DDX21: variants seen among roughly 807,000 people sequenced by gnomAD.
DDX21 encodes the protein DExD-box helicase 21.
DDX21 carries 18 observed loss-of-function variants against 90.0 expected under a neutral mutation model. The observed-to-expected ratio is 0.20, with a 90% confidence interval of 0.14 to 0.30. The LOEUF is 0.30. Ranked by LOEUF, DDX21 falls within the 10% of genes least tolerant of loss-of-function variation. The probability of loss-of-function intolerance (pLI) is 1.00; values close to 1 mark genes in which losing one functional copy is unlikely to be tolerated. For synonymous variants in DDX21, 294 were observed against 318.0 expected (o/e 0.92, Z 0.80); for missense variants, 673 against 944.5 (o/e 0.71, Z 3.77).
chr10:68,956,619 G>C, intron 1 of DDX21: 2 of 1,211,080 alleles, frequency 1.7e-6, no homozygotes, highest in Non-Finnish European at 2.1e-6. Flanking sequence ...GGTGTCCCAC[G>C]TGGTCCCCGG....
rs776819535 is a variant in DDX21, at chr10:68,959,798, T to C, written c.88-8T>C. ...AGTGTTTGTATTTTCCTTATGAATT[T>C]TTTTTAGAAAGAGAAAAAAGAGAAG... is the stretch of plus-strand genomic sequence containing the variant. On this transcript the variant is annotated splice_region_variant and splice_polypyrimidine_tract_variant and intron_variant, in intron 1 of 14. Transcript: ENST00000354185. The C allele has an allele frequency of 6.6e-7, 1 of 1,523,930 alleles. No homozygotes were observed. The highest frequency in any genetic ancestry group is 2.3e-5 in the East Asian group (1 of 42,668). The allele number at this position is 1,523,930 out of a possible 1,614,324, so 94.4% of individuals were successfully genotyped here. A position where few individuals can be genotyped will look rare whatever the true frequency, so the allele number is the denominator to read the frequency against.
At chr10:68,958,692 C>A (rs1225244148) in intron 1 of DDX21, among the ~76,000 whole-genome samples, 1 of 152,134 alleles carries the variant, frequency 6.6e-6, no homozygotes, top group African/African-American at 2.4e-5. Flanking sequence ...CCTCCTTGGC[C>A]TCCCAAAGTC....
intron 8 of DDX21, 30 bp from the exon 9 acceptor site, chr10:68,971,861 G>A: frequency 1.9e-6 from 3 of 1,604,724 alleles, no homozygotes; most frequent in Non-Finnish European, 2.6e-6. Flanking sequence ...GTTGGAACTG[G>A]TGTTCTTACA....
intron 4 of DDX21, chr10:68,964,101 G>GAAAAAAAA (rs750726882): frequency 8.3e-4 from 196 of 237,426 alleles, no homozygotes; most frequent in South Asian, 1.2e-3. Context: ...TCCGTCTCAA[G>GAAAAAAAA]AAAAAAAAAA....
At chr10:68,967,900 TG>T (rs1233854513) in intron 6 of DDX21, among the ~76,000 whole-genome samples, 2 of 152,068 alleles carry the variant, frequency 1.3e-5, no homozygotes, top group Admixed American at 1.3e-4. Flanking sequence ...AATTGTTTTT[TG>T]TTTTTTTTTT....
Position 68,973,684 on chromosome 10 carries a change from T to C in DDX21, c.1668+20T>C. 1 of 1,605,750 alleles carries C rather than the reference T, an allele frequency of 6.2e-7. No homozygotes were observed. The highest frequency in any genetic ancestry group is 8.5e-7 in the Non-Finnish European group (1 of 1,175,820). On this transcript the variant is annotated intron_variant, in intron 10 of 14. Coordinates refer to ENST00000354185, the MANE Select transcript of DDX21 (RefSeq NM_004728.4). Reference sequence around the variant, plus strand: ...AAAGCGGTAAAACTATTCTTACCTTTCATTAAGCAAATGTTGAGTTCTAAA... The same window carrying C: ...AAAGCGGTAAAACTATTCTTACCTTCCATTAAGCAAATGTTGAGTTCTAAA...
Position 68,983,652 on chromosome 10 carries a change from G to A in DDX21, c.*840G>A, listed in dbSNP as rs944125050. On this transcript the variant is annotated 3_prime_UTR_variant, in exon 15 of 15. Coordinates refer to ENST00000354185, the MANE Select transcript of DDX21 (RefSeq NM_004728.4). The stretch of plus-strand genomic sequence containing the variant: ...AAGATTAACATTATTTACCAAGAAG[G>A]ACTTAAGGGAGTAGGGGGCGCAGAT... The A allele has an allele frequency of 1.4e-5, 2 of 144,176 alleles. No homozygotes were observed. The highest frequency in any genetic ancestry group is 5.1e-5 in the African/African-American group (2 of 39,094). 8.9% of individuals were successfully genotyped at this position (144,176 alleles called of 1,614,324 possible). A position where few individuals can be genotyped will look rare whatever the true frequency, so the allele number is the denominator to read the frequency against.
At chr10:68,981,061 C>T (rs1843182694) in intron 13 of DDX21, among the ~76,000 whole-genome samples, 1 of 152,034 alleles carries the variant, frequency 6.6e-6, no homozygotes, top group South Asian at 2.1e-4. Context: ...ACTTGTTTTT[C>T]TGCTTTTAAT....
At chr10:68,972,496 G>A (rs544699687) in intron 9 of DDX21, among the ~76,000 whole-genome samples, 110 of 152,284 alleles carry the variant, frequency 7.2e-4, no homozygotes, top group Middle Eastern at 6.8e-3. Context: ...AGTTCTTCAC[G>A]TAAATAAAGG....
At chr10:68,965,794 AG>A (rs1842931504) in intron 5 of DDX21, among the ~76,000 whole-genome samples, 1 of 150,358 alleles carries the variant, frequency 6.7e-6, no homozygotes, top group African/African-American at 2.5e-5. Context: ...TCAGAATTCA[AG>A]GTTCCTCTTG....
rs1460075066 is a variant in DDX21, at chr10:68,959,733, C to T, written c.88-73C>T. 3 of 1,111,776 alleles carry T rather than the reference C, an allele frequency of 2.7e-6. No individual in the cohort carries two copies. The Admixed American group carries it at 9.4e-5, about 35-fold the overall frequency. 68.9% of individuals were successfully genotyped at this position (1,111,776 alleles called of 1,614,324 possible). A position where few individuals can be genotyped will look rare whatever the true frequency, so the allele number is the denominator to read the frequency against. On this transcript the variant is annotated intron_variant, in intron 1 of 14. Coordinates refer to ENST00000354185, the MANE Select transcript of DDX21 (RefSeq NM_004728.4). ...AGTTGAAAATGATCTTGAAATAATC[C>T]AGAATTGATGAATGTTGCAAATGTA...
At chr10:68,958,447 T>A (rs28630784) in intron 1 of DDX21, among the ~76,000 whole-genome samples, 49 of 46,572 alleles carry the variant, frequency 1.1e-3, no homozygotes, top group African/African-American at 2.5e-3. Flanking sequence ...AAAAAAAAAT[T>A]TTTTTTTTTG....
Position 68,977,526 on chromosome 10 carries a change from C to T in DDX21, c.1743-3C>T. The T allele has an allele frequency of 6.2e-7, 1 of 1,603,752 alleles. No individual in the cohort carries two copies. Among genetic ancestry groups the T allele is most frequent in the Non-Finnish European group, 8.5e-7 (1 of 1,173,182 alleles). ...TTTCTCCTAACACACTCTCAAACAA[C>T]AGGCTTTTGGATTCCGTGCCTCCCA... On this transcript the variant is annotated splice_region_variant and splice_polypyrimidine_tract_variant and intron_variant, in intron 11 of 14. Coordinates refer to ENST00000354185, the MANE Select transcript of DDX21 (RefSeq NM_004728.4).
rs771500289 is a variant in DDX21, at chr10:68,963,302, A to G, written c.619A>G (p.Thr207Ala). 5.0e-6 allele frequency: 8 copies of G among 1,610,982 alleles called. No homozygotes were observed. In the South Asian group the frequency reaches 8.8e-5, roughly 18 times the overall value. The change falls in exon 4 of 15, where the codon ACC becomes GCC. Residue 207 changes from threonine (T) to alanine (A), a missense_variant. By Grantham distance (58) the Thr-to-Ala change is moderately conservative. Transcript: ENST00000354185. ...TIKLLKGRGV[T>A]FLFPIQAKTF... ...TAATTTGTTCATAGGCCGAGGAGTG[A>G]CCTTCCTATTTCCTATACAAGCAAA...
chr10:68,977,426 C>G, intron 11 of DDX21, 103 bp from the exon 12 acceptor site: 1 of 1,059,122 alleles, frequency 9.4e-7, no homozygotes, highest in Non-Finnish European at 1.3e-6. Context: ...ATATGTTACA[C>G]ATGTGAAAGA....
Position 68,959,900 on chromosome 10 carries a change from A to T in DDX21, c.182A>T (p.Lys61Ile). 6.2e-7 allele frequency: 1 copy of T among 1,606,600 alleles called. No individual in the cohort carries two copies. ...CCCAAAGCTAAACAAGTTAAAAAGA[A>T]AGCAGAGCCTTCTGAAGTTGACATG... ...VFPKAKQVKKKAEPSEVDMNS... is the reference protein window; with the variant it reads ...VFPKAKQVKKIAEPSEVDMNS... Residue 61 changes from lysine (K) to isoleucine (I), a missense_variant, in exon 2 of 15, where the codon AAA becomes ATA. By Grantham distance (102) the Lys-to-Ile change is moderately radical (BLOSUM62 -3). Coordinates refer to ENST00000354185, the MANE Select transcript of DDX21 (RefSeq NM_004728.4).
rs978341883 is a variant in DDX21 at position 68,980,251 on chromosome 10, T to A, written c.2037+1275T>A. Reference sequence around the variant, plus strand: ...GTGAAACTCCGTCTTAAAAAAAAAATTTTATATATATATAAATCTTTTCCT... The same window carrying A: ...GTGAAACTCCGTCTTAAAAAAAAAAATTTATATATATATAAATCTTTTCCT... On this transcript the variant is annotated intron_variant, in intron 13 of 14. Transcript: ENST00000354185. 1.2e-4 allele frequency among the ~76,000 whole-genome samples: 18 copies of A among 150,952 alleles called. No homozygotes were observed. The East Asian group carries it at 2.5e-3, about 21-fold the overall frequency.
chr10:68,974,572 C>T, intron 10 of DDX21, 98 bp from the exon 11 acceptor site: 1 of 878,410 alleles, frequency 1.1e-6, no homozygotes, highest in South Asian at 1.5e-5. Context: ...TAATGTAATA[C>T]ATACATTTGG....
intron 13 of DDX21, among the ~76,000 whole-genome samples, chr10:68,981,256 C>T (rs1376888654): frequency 6.6e-6 from 1 of 152,160 alleles, no homozygotes; most frequent in Admixed American, 6.5e-5. Flanking sequence ...AGCTAATAGC[C>T]ACTAGGGGGT....
Sources: allele counts gnomAD v4.1 joint callset (sites outside exome capture counted in the v4.1 genomes callset), GRCh38; gene constraint gnomAD v4.1.1; transcripts MANE v1.5; gene names NCBI Gene and HGNC (gene_info 2026-07-23, HGNC 2026-07-21).